Variants in ADGRB3 observed in about 807,000 individuals in gnomAD.
The protein encoded by ADGRB3 is adhesion G protein-coupled receptor B3.
In ADGRB3, 37 loss-of-function variants were observed where a neutral mutation model predicts 193.4. The ratio of observed to expected loss-of-function variants is 0.19; its 90% confidence interval spans 0.15 to 0.25. The LOEUF (loss-of-function observed/expected upper bound fraction) is 0.25. Among genes scored for constraint, ADGRB3 ranks in the 10% least tolerant of loss-of-function variants. The pLI, the probability that ADGRB3 is intolerant of heterozygous loss-of-function variation, is 1.00. For synonymous variants in ADGRB3, 690 were observed against 644.2 expected (o/e 1.07, Z -1.08); for missense variants, 1,637 against 1,852.9 (o/e 0.88, Z 2.14).
chr6:68,918,170 T>C (rs1766934155), intron 3 of ADGRB3, among the ~76,000 whole-genome samples: 1 of 152,194 alleles, frequency 6.6e-6, no homozygotes, highest in South Asian at 2.1e-4. Flanking sequence ...TACTTCTTGA[T>C]GAAAAAGTTC....
chr6:68,759,470 C>A (rs1290029302), intron 3 of ADGRB3, among the ~76,000 whole-genome samples: 2 of 152,008 alleles, frequency 1.3e-5, no homozygotes, highest in East Asian at 1.9e-4. Flanking sequence ...TCTGTTAATT[C>A]TTTTGTTTTA....
chr6:68,955,939 TC>T, intron 6 of ADGRB3, 84 bp from the exon 7 acceptor site: 1 of 1,415,878 alleles, frequency 7.1e-7, no homozygotes, highest in Non-Finnish European at 9.6e-7. Context: ...GGGTTCATCT[TC>T]AAGGGTGGTT....
chr6:68,758,783 A>G lies in ADGRB3; in HGVS notation c.757+119351A>G, dbSNP rs1766343206. ...GCACTTTTTATAGCATATGGCATTT[A>G]TGTTGTTCAGCTTTGTAGTATAACA... On this transcript the variant is annotated intron_variant, in intron 3 of 31. Coordinates refer to ENST00000370598, the MANE Select transcript of ADGRB3 (RefSeq NM_001704.3). Among the ~76,000 whole-genome samples the G allele has an allele frequency of 2.6e-5, 4 of 152,216 alleles. No homozygotes were observed. In the South Asian group the frequency reaches 8.3e-4, roughly 32 times the overall value.
intron 3 of ADGRB3, among the ~76,000 whole-genome samples, chr6:68,781,747 G>A (rs1010025396): frequency 1.3e-5 from 2 of 152,118 alleles, no homozygotes; most frequent in East Asian, 3.9e-4. Context: ...GAGCTGGAGG[G>A]ACAAAGAGAA....
At chr6:68,965,348 T>C (rs1358905497) in intron 8 of ADGRB3, among the ~76,000 whole-genome samples, 4 of 152,156 alleles carry the variant, frequency 2.6e-5, no homozygotes, top group Non-Finnish European at 5.9e-5. Flanking sequence ...CCGTCTTATT[T>C]TCCTCTGCAT....
chr6:68,640,498 T>C (rs962248275), intron 3 of ADGRB3, among the ~76,000 whole-genome samples: 2 of 152,244 alleles, frequency 1.3e-5, no homozygotes, highest in African/African-American at 2.4e-5. Context: ...CTGATACATA[T>C]TAGTTCTTGC....
At chr6:68,648,458 G>C (rs1196214014) in intron 3 of ADGRB3, among the ~76,000 whole-genome samples, 2 of 144,324 alleles carry the variant, frequency 1.4e-5, no homozygotes, top group Non-Finnish European at 3.0e-5. Flanking sequence ...TATTTGGGGA[G>C]TGTGAGTTTT....
intron 12 of ADGRB3, among the ~76,000 whole-genome samples, chr6:69,015,986 G>A (rs1770079194): frequency 6.6e-6 from 1 of 151,846 alleles, no homozygotes; most frequent in Non-Finnish European, 1.5e-5. Context: ...AAATTCATAT[G>A]TCTCTAGAGC....
At chr6:68,790,943 A>G (rs1767094052) in intron 3 of ADGRB3, among the ~76,000 whole-genome samples, 1 of 151,468 alleles carries the variant, frequency 6.6e-6, no homozygotes, top group Non-Finnish European at 1.5e-5. Flanking sequence ...AATATCTTAT[A>G]TTGCCACTGT....
intron 13 of ADGRB3, among the ~76,000 whole-genome samples, chr6:69,031,300 C>T (rs537124632): frequency 5.3e-5 from 8 of 151,222 alleles, no homozygotes; most frequent in East Asian, 3.9e-4. Context: ...TTTAACCGGG[C>T]GCAGTGGTTG....
intron 3 of ADGRB3, among the ~76,000 whole-genome samples, chr6:68,684,988 A>G (rs1764957631): frequency 6.6e-6 from 1 of 152,106 alleles, no homozygotes; most frequent in South Asian, 2.1e-4. Context: ...GGTACCATTT[A>G]CCTTCAGGGA....
rs548003322 is a variant in ADGRB3, at chr6:68,871,779, T to C, written c.758-58780T>C. Among the ~76,000 whole-genome samples, 7 of 152,246 alleles carry C rather than the reference T, an allele frequency of 4.6e-5. No homozygotes were observed. The East Asian group carries it at 1.3e-3, about 29-fold the overall frequency. ...CATAAAAAGAAATATTGAGCATATG[T>C]CTTAATCATTAATGACATTAATGAG... is the stretch of plus-strand genomic sequence containing the variant. On this transcript the variant is annotated intron_variant, in intron 3 of 31. Coordinates refer to ENST00000370598, the MANE Select transcript of ADGRB3 (RefSeq NM_001704.3).
chr6:68,917,318 G>A (rs1361463296), intron 3 of ADGRB3, among the ~76,000 whole-genome samples: 1 of 152,148 alleles, frequency 6.6e-6, no homozygotes, highest in East Asian at 1.9e-4. Flanking sequence ...GGTACCTCGT[G>A]TGGCCACTCA....
rs572518399 is a variant in ADGRB3 at position 69,153,915 on chromosome 6, C to A, written c.2480+77877C>A. Among the ~76,000 whole-genome samples the A allele has an allele frequency of 2.6e-5, 4 of 152,178 alleles. No individual in the cohort carries two copies. In the South Asian group the frequency reaches 8.3e-4, roughly 32 times the overall value. On this transcript the variant is annotated intron_variant, in intron 17 of 31. Coordinates refer to ENST00000370598, the MANE Select transcript of ADGRB3 (RefSeq NM_001704.3). The stretch of plus-strand genomic sequence containing the variant: ...GGCTGAGGCAGGAGAATGGTGTGAA[C>A]CCGGGAGGCAGAGCCTGCAGTGAGC...
intron 17 of ADGRB3, among the ~76,000 whole-genome samples, chr6:69,172,054 T>A (rs1387784361): frequency 2.0e-5 from 3 of 152,170 alleles, no homozygotes; most frequent in Non-Finnish European, 4.4e-5. Context: ...GGTGCAACTT[T>A]GTAGTTGGAG....
intron 3 of ADGRB3, among the ~76,000 whole-genome samples, chr6:68,677,521 C>CTTTT (rs1002070733): frequency 4.2e-5 from 5 of 120,334 alleles, no homozygotes; most frequent in South Asian, 2.7e-4. Flanking sequence ...TTCTTTTTTT[C>CTTTT]TTTTTTTTTT....
chr6:69,357,223 T>G (rs1423304071), intron 28 of ADGRB3, among the ~76,000 whole-genome samples: 1 of 152,094 alleles, frequency 6.6e-6, no homozygotes, highest in Non-Finnish European at 1.5e-5. Flanking sequence ...TTACTTGTAT[T>G]AATGATTTGC....
At chr6:68,684,166 A>G (rs1764944134) in intron 3 of ADGRB3, among the ~76,000 whole-genome samples, 1 of 152,230 alleles carries the variant, frequency 6.6e-6, no homozygotes, top group South Asian at 2.1e-4. Context: ...ATAGTGTCCT[A>G]GAATTTGTAA....
intron 10 of ADGRB3, among the ~76,000 whole-genome samples, chr6:68,975,570 T>G (rs1007651973): frequency 6.6e-6 from 1 of 152,186 alleles, no homozygotes; most frequent in African/African-American, 2.4e-5. Context: ...AAAGAACCCT[T>G]TGTCTAGTGG....
Sources: gnomAD v4.1 joint callset for allele counts (sites outside exome capture counted in the v4.1 genomes callset) on GRCh38, gnomAD v4.1.1 for gene constraint, MANE v1.5 for transcripts, NCBI Gene and HGNC (gene_info 2026-07-23, HGNC 2026-07-21) for gene names.